TF: variants seen among roughly 807,000 people sequenced by gnomAD.
TF encodes the protein serotransferrin.
Under a neutral mutation model 82.4 loss-of-function variants are expected in TF, and 55 were observed. The ratio of observed to expected loss-of-function variants is 0.67; its 90% CI spans 0.54 to 0.84. TF has a LOEUF of 0.84. TF is among the 40% of genes least tolerant of loss of function. The pLI is 0.00. For missense variants in TF, 737 were observed against 868.4 expected (o/e 0.85, Z 1.90); for synonymous variants, 332 against 332.6 (o/e 1.00, Z 0.02).
At position 133,780,730 on chromosome 3, in the gene TF, T is replaced by C. The variant is rs1455468277; in HGVS notation, c.*2110T>C. ...AGAACCAAATAATAATAAAGTATTA[T>C]GGCCAGGCGCAGTGGTTCATGCCTA... On this transcript the variant is annotated 3_prime_UTR_variant, in exon 17 of 17. Coordinates refer to ENST00000402696, the MANE Select transcript of TF (RefSeq NM_001063.4). 2 of 152,224 alleles carry C rather than the reference T, an allele frequency of 1.3e-5. No individual in the cohort carries two copies. Among genetic ancestry groups the C allele is most frequent in the African/African-American group, 4.8e-5 (2 of 41,454 alleles). 9.4% of individuals were successfully genotyped at this position (152,224 alleles called of 1,614,324 possible). A position where few individuals can be genotyped will look rare whatever the true frequency, so the allele number is the denominator to read the frequency against.
At chr3:133,695,676 T>C in the TF span, among the ~76,000 whole-genome samples, 3 of 152,210 alleles carry the variant, frequency 2.0e-5, no homozygotes, top group South Asian at 2.1e-4. Context: ...TAAGCATTTC[T>C]TTTACAGTAA....
At chr3:133,673,211 A>G in the TF span, among the ~76,000 whole-genome samples, 1 of 152,256 alleles carries the variant, frequency 6.6e-6, no homozygotes, top group Admixed American at 6.5e-5. Flanking sequence ...AGTTCTAGCC[A>G]GTGCAGTAAG....
At chr3:133,726,715 G>T in the TF span, among the ~76,000 whole-genome samples, 1 of 152,064 alleles carries the variant, frequency 6.6e-6, no homozygotes, top group African/African-American at 2.4e-5. Context: ...GAATGTGTTT[G>T]CTCTTGCATT....
the TF span, among the ~76,000 whole-genome samples, chr3:133,732,156 A>G: frequency 6.6e-6 from 1 of 152,198 alleles, no homozygotes; most frequent in East Asian, 1.9e-4. Context: ...AAGGTGCTGG[A>G]TACTGTACTA....
At chr3:133,725,437 T>G in the TF span, among the ~76,000 whole-genome samples, 1 of 152,094 alleles carries the variant, frequency 6.6e-6, no homozygotes, top group Non-Finnish European at 1.5e-5. Context: ...GGGAGTTCAC[T>G]CATGATTTGG....
intron 2 of TF, among the ~76,000 whole-genome samples, chr3:133,751,334 G>T (rs182745439): frequency 6.8e-6 from 1 of 147,700 alleles, no homozygotes; most frequent in Non-Finnish European, 1.5e-5. Flanking sequence ...CCGGGTTCAC[G>T]CCATTCTCCT....
chr3:133,668,013 T>G, the TF span, among the ~76,000 whole-genome samples: 1 of 152,184 alleles, frequency 6.6e-6, no homozygotes, highest in African/African-American at 2.4e-5. Flanking sequence ...TCACTTATTC[T>G]TCTCTGTTGC....
In TF at chr3:133,757,901, G is replaced by T; in HGVS notation, c.1003G>T (p.Gly335Cys). ...PPRMDAKMYL[G>C]YEYVTAIRNL... ...CAGGATGGATGCCAAGATGTACCTG[G>T]GCTATGAGTATGTCACTGCCATCCG... The change falls in exon 8 of 17, where the codon GGC becomes TGC. Residue 335 changes from glycine to cysteine, a missense_variant. By Grantham distance (159) the Gly-to-Cys change is radical. Transcript: ENST00000402696. 6.2e-7 allele frequency: 1 copy of T among 1,614,194 alleles called. No homozygotes were observed. Among genetic ancestry groups the T allele is most frequent in the Non-Finnish European group, 8.5e-7 (1 of 1,180,038 alleles).
chr3:133,738,282 G>A, the TF span, among the ~76,000 whole-genome samples: 3 of 151,996 alleles, frequency 2.0e-5, no homozygotes, highest in Non-Finnish European at 2.9e-5. Flanking sequence ...CTAAAAACTC[G>A]CAATAAACTA....
chr3:133,718,348 T>A, the TF span, among the ~76,000 whole-genome samples: 2 of 152,034 alleles, frequency 1.3e-5, no homozygotes, highest in Non-Finnish European at 2.9e-5. Context: ...AGGACATGTT[T>A]GCTGGGAGGG....
chr3:133,684,388 C>T, the TF span, among the ~76,000 whole-genome samples: 93 of 152,116 alleles, frequency 6.1e-4, no homozygotes, highest in Admixed American at 4.8e-3. Flanking sequence ...CACAAAAAAA[C>T]CCTTCAAAAA....
At chr3:133,675,022 A>T in the TF span, among the ~76,000 whole-genome samples, 1 of 152,062 alleles carries the variant, frequency 6.6e-6, no homozygotes, top group South Asian at 2.1e-4. Flanking sequence ...GAGGCGGTGT[A>T]TCACCTGATG....
upstream of TF, among the ~76,000 whole-genome samples, chr3:133,741,205 T>C (rs1417169943): frequency 6.6e-6 from 1 of 152,014 alleles, no homozygotes; most frequent in African/African-American, 2.4e-5. Context: ...TTGGCCATGC[T>C]GGTCTCAAAC....
the TF span, among the ~76,000 whole-genome samples, chr3:133,724,217 T>C: frequency 6.6e-6 from 1 of 152,258 alleles, no homozygotes; most frequent in Non-Finnish European, 1.5e-5. Flanking sequence ...TCTAGATCCC[T>C]GAGGAATTGC....
At chr3:133,778,255 C>T in intron 16 of TF, 1 of 310,876 alleles carries the variant, frequency 3.2e-6, no homozygotes, top group Non-Finnish European at 6.3e-6. Flanking sequence ...AGTTCCTCAC[C>T]TGCTTAAAGA....
chr3:133,756,786 C>T, intron 6 of TF, 45 bp from the exon 7 acceptor site: 2 of 1,611,690 alleles, frequency 1.2e-6, no homozygotes, highest in Middle Eastern at 1.7e-4. Context: ...GCACCACAGC[C>T]CATGGCTCTC....
At chr3:133,732,530 T>G in the TF span, among the ~76,000 whole-genome samples, 1 of 152,204 alleles carries the variant, frequency 6.6e-6, no homozygotes, top group East Asian at 1.9e-4. Flanking sequence ...CCGGTTCCTT[T>G]TCACAGTGTG....
At chr3:133,744,096 T>C (rs1933445080), upstream of TF, among the ~76,000 whole-genome samples, 1 of 152,198 alleles carries the variant, frequency 6.6e-6, no homozygotes, top group African/African-American at 2.4e-5. Flanking sequence ...GCACCTGTCT[T>C]GGGCTTGGAC....
chr3:133,724,005 A>G, the TF span, among the ~76,000 whole-genome samples: 1 of 152,098 alleles, frequency 6.6e-6, no homozygotes, highest in African/African-American at 2.4e-5. Flanking sequence ...TTATGGCTGC[A>G]TAGTATTCCA....
Sources: gnomAD v4.1 joint callset for allele counts (sites outside exome capture counted in the v4.1 genomes callset) on GRCh38, gnomAD v4.1.1 for gene constraint, MANE v1.5 for transcripts, NCBI Gene and HGNC (gene_info 2026-07-23, HGNC 2026-07-21) for gene names.